The following AHCYL2 variants were observed in gnomAD, a reference collection of about 807,000 sequenced individuals.
AHCYL2 encodes adenosylhomocysteinase like 2, also known as S-adenosylhomocysteine hydrolase-like protein 2.
In AHCYL2, 28 loss-of-function variants were observed where a neutral mutation model predicts 81.4. That is an observed-to-expected ratio of 0.34 (90% confidence interval 0.25 to 0.47). AHCYL2 has a LOEUF of 0.47. Among genes scored for constraint, AHCYL2 ranks in the 20% least tolerant of loss-of-function variants. The pLI, the probability that AHCYL2 is intolerant of heterozygous loss-of-function variation, is 1.00. For missense variants in AHCYL2, 551 were observed against 785.1 expected (o/e 0.70, Z 3.56); for synonymous variants, 272 against 290.2 (o/e 0.94, Z 0.64).
At chr7:129,379,542 C>T (rs1280952527) in intron 1 of AHCYL2, 96 bp from the exon 2 acceptor site, 1 of 808,708 alleles carries the variant, frequency 1.2e-6, no homozygotes, top group Admixed American at 2.6e-5. Flanking sequence ...ATCAGATCAA[C>T]TGTTAGGGAA....
intron 1 of AHCYL2, among the ~76,000 whole-genome samples, chr7:129,275,312 G>A (rs2150733086): frequency 6.6e-6 from 1 of 152,272 alleles, no homozygotes; most frequent in Non-Finnish European, 1.5e-5. Flanking sequence ...TGAGGCAGGA[G>A]AATCTCATGA....
chr7:129,233,137 T>C (rs1403084869), intron 1 of AHCYL2, among the ~76,000 whole-genome samples: 1 of 152,204 alleles, frequency 6.6e-6, no homozygotes, highest in Non-Finnish European at 1.5e-5. Context: ...TACATTTCTC[T>C]AGTTCACTTT....
intron 1 of AHCYL2, among the ~76,000 whole-genome samples, chr7:129,331,064 A>G (rs1455887076): frequency 6.6e-6 from 1 of 152,218 alleles, no homozygotes; most frequent in Non-Finnish European, 1.5e-5. Context: ...ACCTCCAAAT[A>G]TGGGAAACTT....
intron 1 of AHCYL2, among the ~76,000 whole-genome samples, chr7:129,239,268 CA>C (rs1245825005): frequency 2.6e-5 from 4 of 152,120 alleles, no homozygotes; most frequent in Admixed American, 2.6e-4. Context: ...CTTTTCAAAC[CA>C]GAAGCATTGG....
intron 1 of AHCYL2, among the ~76,000 whole-genome samples, chr7:129,302,381 A>G (rs1797285378): frequency 6.6e-6 from 1 of 152,132 alleles, no homozygotes; most frequent in South Asian, 2.1e-4. Context: ...TGCTCTAGCT[A>G]GGACTTCCAG....
chr7:129,380,052 G>A (rs935136451), intron 2 of AHCYL2, among the ~76,000 whole-genome samples: 36 of 151,844 alleles, frequency 2.4e-4, no homozygotes, highest in African/African-American at 8.5e-4. Context: ...GGAACAGTAT[G>A]TGTATATACT....
intron 1 of AHCYL2, among the ~76,000 whole-genome samples, chr7:129,288,796 C>T (rs867491635): frequency 6.6e-6 from 1 of 151,756 alleles, no homozygotes; most frequent in Non-Finnish European, 1.5e-5. Flanking sequence ...TGAGACAAGG[C>T]CTTGTTCTGT....
At chr7:129,339,805 C>T (rs191730276) in intron 1 of AHCYL2, among the ~76,000 whole-genome samples, 1 of 151,994 alleles carries the variant, frequency 6.6e-6, no homozygotes, top group African/African-American at 2.4e-5. Context: ...TGTGGGACTA[C>T]AGGCATGAGC....
intron 1 of AHCYL2, among the ~76,000 whole-genome samples, chr7:129,278,804 G>A (rs1796315443): frequency 1.1e-5 from 1 of 94,770 alleles, no homozygotes; most frequent in Admixed American, 1.5e-4. Flanking sequence ...TCTAATTGTT[G>A]CAGTATCATT....
chr7:129,286,306 A>G (rs1796627297), intron 1 of AHCYL2, among the ~76,000 whole-genome samples: 1 of 152,062 alleles, frequency 6.6e-6, no homozygotes, highest in African/African-American at 2.4e-5. Context: ...GCTGGAGTGC[A>G]GTGGCGCAAT....
chr7:129,380,495 A>T (rs1794906249), intron 2 of AHCYL2, among the ~76,000 whole-genome samples: 1 of 152,198 alleles, frequency 6.6e-6, no homozygotes, highest in African/African-American at 2.4e-5. Context: ...TTCATTAGAA[A>T]ATGTTTATTA....
At chr7:129,259,445 G>T (rs574867200) in intron 1 of AHCYL2, among the ~76,000 whole-genome samples, 2 of 152,160 alleles carry the variant, frequency 1.3e-5, no homozygotes, top group East Asian at 3.9e-4. Flanking sequence ...TATTAATGTA[G>T]GCTTACTCTT....
At chr7:129,253,697 G>A (rs976313025) in intron 1 of AHCYL2, among the ~76,000 whole-genome samples, 12 of 152,212 alleles carry the variant, frequency 7.9e-5, no homozygotes, top group Non-Finnish European at 1.6e-4. Flanking sequence ...CTACAGCTTC[G>A]ACCTTCTGGG....
chr7:129,389,865 AT>A, intron 4 of AHCYL2, 131 bp downstream of exon 4: 1 of 639,800 alleles, frequency 1.6e-6, no homozygotes, highest in Non-Finnish European at 2.5e-6. Flanking sequence ...TATAATGGCC[AT>A]ATAAAGCAGG....
In AHCYL2 at chr7:129,240,797, T is replaced by G. The variant is rs541959010; in HGVS notation, c.363+15358T>G. Among the ~76,000 whole-genome samples, 15 of 152,262 alleles carry G rather than the reference T, an allele frequency of 9.9e-5. No individual in the cohort carries two copies. In the South Asian group the frequency reaches 2.9e-3, roughly 29 times the overall value. Reference sequence around the variant, plus strand: ...AAGATCCAGAAACACTGTGCCCATGTGGAGGAACTCATACTGAGTCCTCTG... The same window carrying G: ...AAGATCCAGAAACACTGTGCCCATGGGGAGGAACTCATACTGAGTCCTCTG... On this transcript the variant is annotated intron_variant, in intron 1 of 16. Transcript: ENST00000325006.
chr7:129,299,454 C>T (rs1229718130), intron 1 of AHCYL2, among the ~76,000 whole-genome samples: 2 of 125,998 alleles, frequency 1.6e-5, no homozygotes, highest in Non-Finnish European at 3.1e-5. Context: ...AGTGCAGTGG[C>T]GCGATCTCGG....
intron 1 of AHCYL2, among the ~76,000 whole-genome samples, chr7:129,361,448 G>C (rs1476889281): frequency 6.6e-6 from 1 of 151,996 alleles, no homozygotes; most frequent in Non-Finnish European, 1.5e-5. Flanking sequence ...TGTACTGTAA[G>C]CACCACGAAG....
At chr7:129,387,106 T>C (rs949033460) in intron 2 of AHCYL2, among the ~76,000 whole-genome samples, 4 of 152,236 alleles carry the variant, frequency 2.6e-5, no homozygotes, top group African/African-American at 9.6e-5. Context: ...TCTCCTATTA[T>C]ATAGTCTTAT....
intron 1 of AHCYL2, among the ~76,000 whole-genome samples, chr7:129,344,177 T>C (rs6467240): frequency 0.35 from 53,687 of 151,994 alleles, 10,202 homozygotes; most frequent in African/African-American, 0.51. Context: ...ATTGCTGGTG[T>C]GAAACAGTTT....
Sources: allele counts gnomAD v4.1 joint callset (sites outside exome capture counted in the v4.1 genomes callset), GRCh38; gene constraint gnomAD v4.1.1; transcripts MANE v1.5; gene names NCBI Gene and HGNC (gene_info 2026-07-23, HGNC 2026-07-21).